Variants in FTO observed in about 807,000 individuals in gnomAD.
FTO encodes the protein alpha-ketoglutarate-dependent dioxygenase FTO.
Under a neutral mutation model 63.9 loss-of-function variants are expected in FTO, and 47 were observed. The observed-to-expected ratio is 0.74, with a 90% CI of 0.58 to 0.94. The LOEUF (loss-of-function observed/expected upper bound fraction) is 0.94, where lower values mean the gene tolerates loss of function less well. Ranked by LOEUF, FTO falls within the 40% of genes least tolerant of loss-of-function variation. The pLI, the probability that FTO is intolerant of heterozygous loss-of-function variation, is 0.00. For missense variants in FTO, 562 were observed against 618.1 expected, an observed-to-expected ratio of 0.91 and a Z score of 0.96; for synonymous variants, 207 against 224.4, an observed-to-expected ratio of 0.92 and a Z score of 0.69.
At chr16:53,988,354 G>A (rs1163494053) in intron 8 of FTO, among the ~76,000 whole-genome samples, 1 of 152,160 alleles carries the variant, frequency 6.6e-6, no homozygotes, top group African/African-American at 2.4e-5. Context: ...AAGAAGCCAG[G>A]AGGAGCCAGC....
chr16:53,874,852 T>C (rs1312360988), intron 5 of FTO, among the ~76,000 whole-genome samples: 2 of 152,212 alleles, frequency 1.3e-5, no homozygotes, highest in Non-Finnish European at 2.9e-5. Flanking sequence ...TTCCATTCAC[T>C]CATTCATTTA....
chr16:53,847,811 A>G (rs957128412), intron 4 of FTO, among the ~76,000 whole-genome samples: 1 of 152,140 alleles, frequency 6.6e-6, no homozygotes, highest in Non-Finnish European at 1.5e-5. Context: ...ATATTAAATA[A>G]TGACATTATT....
At chr16:53,726,265 T>C (rs1439832533) in intron 1 of FTO, among the ~76,000 whole-genome samples, 1 of 152,220 alleles carries the variant, frequency 6.6e-6, no homozygotes, top group Non-Finnish European at 1.5e-5. Context: ...ATACACACAC[T>C]AATATTCACA....
intron 8 of FTO, among the ~76,000 whole-genome samples, chr16:53,961,710 T>A (rs181201857): frequency 2.0e-5 from 3 of 152,316 alleles, no homozygotes; most frequent in Non-Finnish European, 4.4e-5. Flanking sequence ...AAATACACTT[T>A]CGCTTCTAAT....
intron 8 of FTO, among the ~76,000 whole-genome samples, chr16:54,017,921 T>C (rs1235225616): frequency 6.6e-6 from 1 of 152,012 alleles, no homozygotes; most frequent in African/African-American, 2.4e-5. Context: ...ATTTCCTATT[T>C]AGGAAATTTG....
chr16:53,933,926 CT>C (rs536771329), intron 7 of FTO, 58 bp from the exon 8 acceptor site: 71 of 1,543,002 alleles, frequency 4.6e-5, no homozygotes, highest in South Asian at 4.1e-4. Context: ...TGCTTATGGG[CT>C]TTTTTTTATT....
rs1340646895 is a variant in FTO, at chr16:53,838,637, G to C, written c.752-5518G>C. ...AGAATCTTTTGTATCTTAGCTCTTG[G>C]CTAAGGAAATAGAAAGTAGAGAATA... On this transcript the variant is annotated intron_variant, in intron 3 of 8. Transcript: ENST00000471389. Among the ~76,000 whole-genome samples the C allele has an allele frequency of 2.6e-5, 4 of 152,164 alleles. No homozygotes were observed. The East Asian group carries it at 7.8e-4, about 30-fold the overall frequency.
chr16:53,809,439 G>T lies in FTO; in HGVS notation c.46-701G>T, dbSNP rs984002402. 6.6e-5 allele frequency among the ~76,000 whole-genome samples: 10 copies of T among 152,190 alleles called. No individual in the cohort carries two copies. The East Asian group carries it at 9.7e-4, about 15-fold the overall frequency. On this transcript the variant is annotated intron_variant, in intron 1 of 8. Transcript: ENST00000471389. ...TATTTCCAGTGATAGTACCATAAAA[G>T]GATTTACAAGCTACTATGTCTCAAG...
chr16:54,068,386 GA>G (rs2085782685), intron 8 of FTO, among the ~76,000 whole-genome samples: 1 of 152,170 alleles, frequency 6.6e-6, no homozygotes, highest in African/African-American at 2.4e-5. Context: ...CTGAAAGCCA[GA>G]AGGGCAAAGT....
intron 6 of FTO, among the ~76,000 whole-genome samples, chr16:53,885,779 C>T (rs1296060827): frequency 6.6e-6 from 1 of 152,168 alleles, no homozygotes; most frequent in Admixed American, 6.5e-5. Context: ...GACATGGCCT[C>T]ACTGTGTTGC....
intron 8 of FTO, among the ~76,000 whole-genome samples, chr16:53,950,181 T>TAAAAAAAAAAAAAAAAAAAAAAAAAAA (rs1555497372): frequency 2.1e-5 from 1 of 48,062 alleles, no homozygotes; most frequent in Non-Finnish European, 4.7e-5. Flanking sequence ...AAAAAAAAAC[T>TAAAAAAAAAAAAAAAAAAAAAAAAAAA]TAATCCATGC....
chr16:53,705,504 CAG>C (rs2075584521), intron 1 of FTO, among the ~76,000 whole-genome samples: 1 of 152,212 alleles, frequency 6.6e-6, no homozygotes, highest in Non-Finnish European at 1.5e-5. Context: ...CAGTGAATAA[CAG>C]TGTTAAATAA....
intron 1 of FTO, among the ~76,000 whole-genome samples, chr16:53,749,940 T>C (rs974494103): frequency 6.6e-6 from 1 of 152,182 alleles, no homozygotes. Context: ...GTAATTTCAA[T>C]TGGGAATCAA....
At chr16:54,099,456 C>T (rs535791471) in intron 8 of FTO, among the ~76,000 whole-genome samples, 5 of 152,224 alleles carry the variant, frequency 3.3e-5, no homozygotes, top group African/African-American at 7.2e-5. Context: ...TCTCTTAAAG[C>T]GTCCAACCAA....
intron 7 of FTO, among the ~76,000 whole-genome samples, chr16:53,922,067 C>T (rs1439290732): frequency 7.2e-5 from 11 of 152,098 alleles, no homozygotes; most frequent in African/African-American, 2.7e-4. Context: ...CTTTATAAAG[C>T]GTACCATAGT....
chr16:53,848,002 G>T (rs1375102488), intron 4 of FTO, among the ~76,000 whole-genome samples: 1 of 152,100 alleles, frequency 6.6e-6, no homozygotes, highest in African/African-American at 2.4e-5. Flanking sequence ...GATATAGTTG[G>T]TATCCTACTG....
intron 1 of FTO, among the ~76,000 whole-genome samples, chr16:53,763,265 G>T (rs865851118): frequency 1.6e-4 from 24 of 152,232 alleles, no homozygotes; most frequent in Non-Finnish European, 1.6e-4. Flanking sequence ...TTTAAATAAG[G>T]ATGAACCTTT....
chr16:53,889,629 G>A (rs2081097582), intron 7 of FTO, among the ~76,000 whole-genome samples: 1 of 152,136 alleles, frequency 6.6e-6, no homozygotes, highest in South Asian at 2.1e-4. Context: ...AATGGCAGAT[G>A]TGGTTTTTGG....
intron 8 of FTO, chr16:53,992,363 T>A (rs916123683): frequency 6.6e-5 from 10 of 152,198 alleles, no homozygotes; most frequent in Non-Finnish European, 1.2e-4. Flanking sequence ...TTTGTTTTTG[T>A]GGGTTTCTTG....
Sources: allele counts gnomAD v4.1 joint callset (sites outside exome capture counted in the v4.1 genomes callset), GRCh38; gene constraint gnomAD v4.1.1; transcripts MANE v1.5; gene names NCBI Gene and HGNC (gene_info 2026-07-23, HGNC 2026-07-21).